Variants in WLS observed in about 807,000 individuals in gnomAD.
WLS encodes protein wntless homolog.
A neutral mutation model predicts 62.8 loss-of-function variants in WLS; 23 were observed. That is an observed-to-expected ratio of 0.37 (90% CI 0.26 to 0.52). The LOEUF is 0.52. WLS is among the 20% of genes least tolerant of loss of function. The pLI is 0.92. For missense variants in WLS, 615 were observed against 697.3 expected, an observed-to-expected ratio of 0.88 and a Z score of 1.33; for synonymous variants, 246 against 244.1, an observed-to-expected ratio of 1.01 and a Z score of -0.07.
chr1:68,210,421 C>G (rs911093528), intron 1 of WLS, among the ~76,000 whole-genome samples: 5 of 152,184 alleles, frequency 3.3e-5, no homozygotes, highest in African/African-American at 1.2e-4. Flanking sequence ...GAAAATCCAG[C>G]ATTCATGAGT....
intron 3 of WLS, among the ~76,000 whole-genome samples, chr1:68,158,196 G>A (rs777424861): frequency 2.6e-5 from 4 of 152,174 alleles, no homozygotes; most frequent in Non-Finnish European, 4.4e-5. Flanking sequence ...TGACTTAATA[G>A]GTTCTGGGTG....
rs189696981 is a variant in WLS at position 68,119,404 on chromosome 1, G to A, written c.1510+18376C>T. Among the ~76,000 whole-genome samples, 8 of 152,280 alleles carry A rather than the reference G, an allele frequency of 5.3e-5. No homozygotes were observed. The East Asian group carries it at 7.7e-4, about 15-fold the overall frequency. The stretch of plus-strand genomic sequence containing the variant: ...GTATTTTTGCAGAGTTTCTGTGATA[G>A]GACCATTTTGTTTTTGAGACTGGAT... On this transcript the variant is annotated intron_variant, in intron 11 of 11. Coordinates refer to the WLS transcript ENST00000354777.
chr1:68,099,458 T>C (rs909698496), intron 11 of WLS, among the ~76,000 whole-genome samples: 2 of 152,174 alleles, frequency 1.3e-5, no homozygotes, highest in African/African-American at 4.8e-5. Flanking sequence ...TCTATGTTGA[T>C]AAGATTAAAA....
chr1:68,133,469 C>A (rs1457073104), intron 11 of WLS, among the ~76,000 whole-genome samples: 1 of 152,142 alleles, frequency 6.6e-6, no homozygotes, highest in Non-Finnish European at 1.5e-5. Flanking sequence ...AGAGCAAGGA[C>A]TATGTCTCTG....
intron 11 of WLS, among the ~76,000 whole-genome samples, chr1:68,133,655 C>G (rs1646563584): frequency 6.6e-6 from 1 of 152,192 alleles, no homozygotes; most frequent in Non-Finnish European, 1.5e-5. Context: ...AGAAAATGCT[C>G]TTTGGAAAGT....
Position 68,189,757 on chromosome 1 carries a change from G to A in WLS, c.379+4198C>T, listed in dbSNP as rs140780371. On this transcript the variant is annotated intron_variant, in intron 2 of 11. Coordinates refer to ENST00000262348, the MANE Select transcript of WLS (RefSeq NM_024911.7). ...AATAGTACTTACTATGTCCAGGCTG[G>A]GTGCAGTGGCTCACACCTGTAATCC... Among the ~76,000 whole-genome samples the A allele has an allele frequency of 1.6e-3, 251 of 152,232 alleles. 2 individuals are homozygous for A. Among genetic ancestry groups the A allele is most frequent in the African/African-American group, 5.9e-3 (243 of 41,536 alleles).
chr1:68,228,907 T>TG (rs1329386663), intron 1 of WLS, among the ~76,000 whole-genome samples: 28 of 148,154 alleles, frequency 1.9e-4, no homozygotes, highest in African/African-American at 6.2e-4. Flanking sequence ...GTTTTTTTTT[T>TG]TTTTTGGTAA....
At chr1:68,210,246 A>C (rs1190964620) in intron 1 of WLS, among the ~76,000 whole-genome samples, 1 of 152,220 alleles carries the variant, frequency 6.6e-6, no homozygotes, top group Non-Finnish European at 1.5e-5. Flanking sequence ...CTGGGAAGGC[A>C]ATCACCAGAA....
Position 68,161,829 on chromosome 1 carries a change from T to G in WLS, c.380-2582A>C, listed in dbSNP as rs1646979255. 5 of 1,605,168 alleles carry G rather than the reference T, an allele frequency of 3.1e-6. No homozygotes were observed. The Admixed American group carries it at 8.4e-5, about 27-fold the overall frequency. On this transcript the variant is annotated intron_variant, in intron 2 of 11. Coordinates refer to ENST00000262348, the MANE Select transcript of WLS (RefSeq NM_024911.7). The stretch of plus-strand genomic sequence containing the variant: ...TGGGAGAGGGCGCCTGGGAAGGATG[T>G]GCCACTGTTGGGAGGTTGTGAGTCA...
At chr1:68,228,684 T>C (rs1016826867) in intron 1 of WLS, among the ~76,000 whole-genome samples, 1 of 151,780 alleles carries the variant, frequency 6.6e-6, no homozygotes, top group Non-Finnish European at 1.5e-5. Flanking sequence ...GAATAGTAGA[T>C]GTATCAGATG....
intron 1 of WLS, among the ~76,000 whole-genome samples, chr1:68,226,560 G>A (rs191876017): frequency 2.6e-5 from 4 of 151,922 alleles, no homozygotes; most frequent in African/African-American, 4.8e-5. Flanking sequence ...ATACATTCTC[G>A]AATTCCCAAT....
Position 68,148,246 on chromosome 1 carries a change from G to C in WLS, c.1071-47C>G, listed in dbSNP as rs751043409. The C allele has an allele frequency of 1.9e-6, 3 of 1,596,764 alleles. No individual in the cohort carries two copies. The East Asian group carries it at 6.7e-5, about 36-fold the overall frequency. ...AAGGCAAGACACAATTAATACAAAG[G>C]CAACGGGAACTTTCCTTTTCACATA... On this transcript the variant is annotated intron_variant, in intron 7 of 11. Transcript: ENST00000262348.
At chr1:68,166,527 A>C (rs1322496808) in intron 2 of WLS, among the ~76,000 whole-genome samples, 1 of 152,194 alleles carries the variant, frequency 6.6e-6, no homozygotes, top group Non-Finnish European at 1.5e-5. Flanking sequence ...GCACTCTACT[A>C]CCTTTGCTGG....
At chr1:68,127,924 G>A (rs568481778) in intron 11 of WLS, among the ~76,000 whole-genome samples, 4 of 152,190 alleles carry the variant, frequency 2.6e-5, no homozygotes, top group Admixed American at 2.6e-4. Flanking sequence ...CGTGTGCCAC[G>A]CAGTATTAGT....
intron 3 of WLS, among the ~76,000 whole-genome samples, chr1:68,157,197 C>T (rs185893384): frequency 1.3e-5 from 2 of 152,272 alleles, no homozygotes; most frequent in East Asian, 3.9e-4. Flanking sequence ...CTCATTTGGC[C>T]TCAGTTTCCT....
At chr1:68,114,253 A>T (rs183601944) in intron 11 of WLS, among the ~76,000 whole-genome samples, 1 of 152,094 alleles carries the variant, frequency 6.6e-6, no homozygotes, top group African/African-American at 2.4e-5. Flanking sequence ...AGATAGAGGG[A>T]CTCGGAGACT....
At position 68,148,736 on chromosome 1, in the gene WLS, G is replaced by A. The variant is rs545376042; in HGVS notation, c.973-76C>T. On this transcript the variant is annotated intron_variant, in intron 6 of 11. Transcript: ENST00000262348. ...CAATTCTATGGGGGAGTCAGCATTC[G>A]AAGGACACTTGCCGACCACCTATTG... 7.2e-5 allele frequency: 98 copies of A among 1,364,630 alleles called. 3 individuals carry two copies. The South Asian group carries it at 7.9e-4, about 11-fold the overall frequency. 84.5% of individuals were successfully genotyped at this position (1,364,630 alleles called of 1,614,324 possible). A position where few individuals can be genotyped will look rare whatever the true frequency, so the allele number is the denominator to read the frequency against.
At chr1:68,099,837 G>T (rs1203806995) in intron 11 of WLS, 1 of 152,140 alleles carries the variant, frequency 6.6e-6, no homozygotes, top group Non-Finnish European at 1.5e-5. Flanking sequence ...ATTCAACTTG[G>T]CTTCACTTTT....
chr1:68,180,499 C>T (rs1292792086), intron 2 of WLS, among the ~76,000 whole-genome samples: 1 of 152,112 alleles, frequency 6.6e-6, no homozygotes, highest in African/African-American at 2.4e-5. Context: ...TGGTTCCTTA[C>T]TTCTAGCCCT....
Sources: gnomAD v4.1 joint callset for allele counts (sites outside exome capture counted in the v4.1 genomes callset) on GRCh38, gnomAD v4.1.1 for gene constraint, MANE v1.5 for transcripts, NCBI Gene and HGNC (gene_info 2026-07-23, HGNC 2026-07-21) for gene names.